The following RSF1 variants were observed in gnomAD, a reference collection of about 807,000 sequenced individuals.
RSF1 encodes the protein HBV pX-associated protein 8.
Under a neutral mutation model 145.2 loss-of-function variants are expected in RSF1, and 13 were observed. The ratio of observed to expected loss-of-function variants is 0.09; its 90% confidence interval spans 0.06 to 0.14. RSF1 has a LOEUF of 0.14. Among genes scored for constraint, RSF1 ranks in the 10% least tolerant of loss-of-function variants. The probability of loss-of-function intolerance (pLI) is 1.00; values close to 1 mark genes in which losing one functional copy is unlikely to be tolerated. For missense variants in RSF1, 1,517 were observed against 1,718.2 expected, an observed-to-expected ratio of 0.88 and a Z score of 2.07; for synonymous variants, 577 against 592.6, an observed-to-expected ratio of 0.97 and a Z score of 0.38.
chr11:77,869,709 T>C, the RSF1 span: 1 of 1,613,090 alleles, frequency 6.2e-7, no homozygotes, highest in South Asian at 1.1e-5. Context: ...CTACTTTCTC[T>C]TTCCACATCC....
At chr11:77,740,350 G>A (rs1333839176) in intron 4 of RSF1, among the ~76,000 whole-genome samples, 2 of 152,168 alleles carry the variant, frequency 1.3e-5, no homozygotes, top group African/African-American at 4.8e-5. Context: ...ACTCCAGCCT[G>A]GGCAACAAGA....
the RSF1 span, among the ~76,000 whole-genome samples, chr11:77,837,101 T>C: frequency 6.6e-6 from 1 of 152,238 alleles, no homozygotes; most frequent in Non-Finnish European, 1.5e-5. Flanking sequence ...ATTGAACTTC[T>C]GTGTTGTTTT....
chr11:77,686,477 C>T (rs1301508529), intron 9 of RSF1, among the ~76,000 whole-genome samples: 1 of 145,602 alleles, frequency 6.9e-6, no homozygotes, highest in Non-Finnish European at 1.5e-5. Flanking sequence ...TCAAGAACAG[C>T]TGAGCTCTGA....
intron 1 of RSF1, among the ~76,000 whole-genome samples, chr11:77,797,117 T>A (rs1948580386): frequency 6.6e-6 from 1 of 152,224 alleles, no homozygotes; most frequent in African/African-American, 2.4e-5. Flanking sequence ...GCTATCCCCA[T>A]CAAGCTACCG....
chr11:77,805,156 CT>C (rs546156865), intron 1 of RSF1, among the ~76,000 whole-genome samples: 2 of 151,970 alleles, frequency 1.3e-5, no homozygotes. Context: ...TTACAACAAC[CT>C]TTTTTTTGCA....
At chr11:77,838,906 G>A in the RSF1 span, among the ~76,000 whole-genome samples, 56 of 152,228 alleles carry the variant, frequency 3.7e-4, no homozygotes, top group African/African-American at 1.2e-3. Flanking sequence ...GTGAGCCACC[G>A]CGCCCAGCAA....
chr11:77,842,363 G>A, the RSF1 span: 1,199 of 995,510 alleles, frequency 1.2e-3, 12 homozygotes, highest in African/African-American at 0.017. Context: ...TAACAACCAC[G>A]TAAATGAAAA....
rs1210234362 is a variant in RSF1 at position 77,701,333 on chromosome 11, A to T, written c.1896T>A (p.Ser632=). 1.2e-6 allele frequency: 2 copies of T among 1,613,954 alleles called. No homozygotes were observed. Among genetic ancestry groups the T allele is most frequent in the Non-Finnish European group, 1.7e-6 (2 of 1,180,030 alleles). The part of the protein sequence containing the change: ...SPEAAETSPP[S]NIIDHCEKLA... ...GTTTCTCACAGTGGTCAATGATATT[A>T]GATGGTGGAGAAGTTTCAGCTGCCT... is the stretch of plus-strand genomic sequence containing the variant. Residue 632 remains serine, a synonymous_variant, in exon 6 of 16, where the codon TCT becomes TCA. Transcript: ENST00000308488.
intron 2 of RSF1, among the ~76,000 whole-genome samples, chr11:77,759,579 G>A (rs762686009): frequency 2.2e-4 from 34 of 152,130 alleles, no homozygotes; most frequent in Non-Finnish European, 3.7e-4. Flanking sequence ...AACTACTCAG[G>A]AGGCTGAGGC....
chr11:77,763,575 T>A (rs1948197122), intron 2 of RSF1: 1 of 152,254 alleles, frequency 6.6e-6, no homozygotes, highest in South Asian at 2.1e-4. Context: ...ATTTTAAAGT[T>A]GAGATAATGC....
chr11:77,786,202 G>A (rs1329854818), intron 1 of RSF1, among the ~76,000 whole-genome samples: 2 of 151,988 alleles, frequency 1.3e-5, no homozygotes, highest in Admixed American at 6.6e-5. Flanking sequence ...CATTTACTAC[G>A]TACCATCATG....
chr11:77,836,250 T>A, the RSF1 span, among the ~76,000 whole-genome samples: 6 of 151,934 alleles, frequency 3.9e-5, no homozygotes, highest in Admixed American at 3.9e-4. Flanking sequence ...ACCAACTTCA[T>A]ACATTGAAGC....
the RSF1 span, among the ~76,000 whole-genome samples, chr11:77,826,878 G>A: frequency 1.3e-5 from 2 of 152,184 alleles, no homozygotes; most frequent in African/African-American, 4.8e-5. Context: ...GCCGAGGTGG[G>A]CAGAACACCT....
At chr11:77,737,060 A>G (rs746231364) in intron 4 of RSF1, among the ~76,000 whole-genome samples, 97 of 152,358 alleles carry the variant, frequency 6.4e-4, no homozygotes, top group Middle Eastern at 3.4e-3. Context: ...TCCCTGGCTC[A>G]TTGTAAATAG....
the RSF1 span, chr11:77,872,158 C>A: frequency 6.2e-7 from 1 of 1,609,276 alleles, no homozygotes; most frequent in Non-Finnish European, 8.5e-7. Flanking sequence ...TTACTCATCT[C>A]TTTTCCACCT....
chr11:77,685,004 T>C, intron 10 of RSF1, 101 bp downstream of exon 10: 1 of 565,336 alleles, frequency 1.8e-6, no homozygotes, highest in Non-Finnish European at 2.9e-6. Context: ...AATAAATAAA[T>C]AAATAAATAA....
At chr11:77,826,320 C>A in the RSF1 span, among the ~76,000 whole-genome samples, 13 of 151,738 alleles carry the variant, frequency 8.6e-5, no homozygotes, top group Admixed American at 5.9e-4. Context: ...CAAGATCACA[C>A]CATTGCACTC....
the RSF1 span, among the ~76,000 whole-genome samples, chr11:77,858,803 C>T: frequency 2.6e-5 from 4 of 152,138 alleles, no homozygotes; most frequent in Admixed American, 6.5e-5. Flanking sequence ...CAGGGGTCCA[C>T]GGTAGGTCTT....
chr11:77,866,088 C>G, the RSF1 span, among the ~76,000 whole-genome samples: 1 of 152,186 alleles, frequency 6.6e-6, no homozygotes, highest in Non-Finnish European at 1.5e-5. Flanking sequence ...TTGCTACTAC[C>G]CATTTATGCT....
Sources: allele counts gnomAD v4.1 joint callset (sites outside exome capture counted in the v4.1 genomes callset), GRCh38; gene constraint gnomAD v4.1.1; transcripts MANE v1.5; gene names NCBI Gene and HGNC (gene_info 2026-07-23, HGNC 2026-07-21).